DCC: variants seen among roughly 807,000 people sequenced by gnomAD.
DCC encodes DCC netrin 1 receptor.
DCC carries 58 observed loss-of-function variants against 172.5 expected under a neutral mutation model. That is an observed-to-expected ratio of 0.34 (90% CI 0.27 to 0.42). DCC has a LOEUF of 0.42. Among genes scored for constraint, DCC ranks in the 10% least tolerant of loss-of-function variants. DCC has a pLI of 1.00. For synonymous variants in DCC, 709 were observed against 644.5 expected, an observed-to-expected ratio of 1.10 and a Z score of -1.52; for missense variants, 1,740 against 1,791.0, an observed-to-expected ratio of 0.97 and a Z score of 0.51.
At chr18:52,576,823 C>T (rs2033423746) in intron 1 of DCC, among the ~76,000 whole-genome samples, 3 of 119,790 alleles carry the variant, frequency 2.5e-5, no homozygotes, top group African/African-American at 9.9e-5. Context: ...GAGCAAGCCT[C>T]CATCTCAAAA....
At chr18:52,848,082 ATTT>A (rs11291428) in intron 2 of DCC, among the ~76,000 whole-genome samples, 131 of 127,330 alleles carry the variant, frequency 1.0e-3, no homozygotes, top group African/African-American at 2.4e-3. Flanking sequence ...GACTTTTCTA[ATTT>A]TTTTTTTTTT....
chr18:52,413,231 A>G (rs545364217), intron 1 of DCC, among the ~76,000 whole-genome samples: 78 of 151,594 alleles, frequency 5.1e-4, no homozygotes, highest in African/African-American at 1.7e-3. Flanking sequence ...TAAATAGCTT[A>G]CTCTAAAAAT....
intron 2 of DCC, among the ~76,000 whole-genome samples, chr18:52,775,335 A>G (rs190891148): frequency 2.2e-3 from 342 of 152,250 alleles, no homozygotes; most frequent in Non-Finnish European, 3.8e-3. Flanking sequence ...CGTGTGTGAT[A>G]CAGGGTGCTC....
intron 7 of DCC, among the ~76,000 whole-genome samples, chr18:53,129,125 G>T (rs1174600395): frequency 6.6e-6 from 1 of 151,736 alleles, no homozygotes; most frequent in Non-Finnish European, 1.5e-5. Flanking sequence ...GACCTCAAGT[G>T]ATCTTCACAC....
At chr18:53,351,336 T>TGTATATATATACA (rs2057796955) in intron 15 of DCC, among the ~76,000 whole-genome samples, 1 of 9,200 alleles carries the variant, frequency 1.1e-4, no homozygotes, top group South Asian at 6.6e-3. Context: ...ATATATACAG[T>TGTATATATATACA]GTATATATAT....
chr18:53,322,165 T>G lies in DCC; in HGVS notation c.2164+8T>G. ...CAGAGAATGATCTAGATGGTAAGAC[T>G]TTTTCCCAGTTACTATCACTCTGAT... On this transcript the variant is annotated splice_region_variant and intron_variant, in intron 14 of 28. Transcript: ENST00000442544. 7.6e-7 allele frequency: 1 copy of G among 1,323,166 alleles called. No individual in the cohort carries two copies. Among genetic ancestry groups the G allele is most frequent in the South Asian group, 1.2e-5 (1 of 85,424 alleles). The allele number at this position is 1,323,166 out of a possible 1,614,324, so 82.0% of individuals were successfully genotyped here. A position where few individuals can be genotyped will look rare whatever the true frequency, so the allele number is the denominator to read the frequency against.
At chr18:52,864,747 T>C (rs2145368084) in intron 2 of DCC, among the ~76,000 whole-genome samples, 1 of 152,140 alleles carries the variant, frequency 6.6e-6, no homozygotes, top group East Asian at 1.9e-4. Context: ...TGTGTTTTCA[T>C]TGTTCAACTT....
chr18:53,267,145 TATATAG>T lies in DCC; in HGVS notation c.1912-38431_1912-38426del, dbSNP rs2056686987. On this transcript the variant is annotated intron_variant, in intron 12 of 28. Coordinates refer to ENST00000442544, the MANE Select transcript of DCC (RefSeq NM_005215.4). ...ACACACACACACACATATATATATATATATAGAGAGAGAGAGAGAGACAGAGACAGA... is the reference window on the plus strand; with the variant it reads ...ACACACACACACACATATATATATATAGAGAGAGAGAGAGACAGAGACAGA... Among the ~76,000 whole-genome samples, 7 of 150,222 alleles carry T rather than the reference TATATAG, an allele frequency of 4.7e-5. 1 individual carries two copies. Among genetic ancestry groups the T allele is most frequent in the African/African-American group, 1.2e-4 (5 of 40,270 alleles).
intron 2 of DCC, among the ~76,000 whole-genome samples, chr18:52,844,527 C>T (rs924506820): frequency 1.3e-5 from 2 of 152,146 alleles, no homozygotes; most frequent in African/African-American, 4.8e-5. Flanking sequence ...GAGTTTGCAA[C>T]CATTTCCTCA....
intron 9 of DCC, among the ~76,000 whole-genome samples, chr18:53,201,745 G>A (rs1210360941): frequency 6.6e-6 from 1 of 151,984 alleles, no homozygotes; most frequent in Admixed American, 6.6e-5. Flanking sequence ...AAGACTCCTC[G>A]TTGTTCAACT....
chr18:53,207,598 A>T (rs983186282), intron 10 of DCC, 81 bp from the exon 11 acceptor site: 64 of 1,317,702 alleles, frequency 4.9e-5, no homozygotes, highest in Non-Finnish European at 6.1e-5. Flanking sequence ...CTAATGTCCA[A>T]TTCACTGATT....
chr18:53,305,279 T>C (rs937978874), intron 12 of DCC, among the ~76,000 whole-genome samples: 8 of 152,242 alleles, frequency 5.3e-5, no homozygotes, highest in African/African-American at 1.9e-4. Flanking sequence ...TATAACCTTA[T>C]TCTCTATTGT....
intron 1 of DCC, among the ~76,000 whole-genome samples, chr18:52,572,084 TA>T (rs1156578918): frequency 6.6e-6 from 1 of 152,064 alleles, no homozygotes; most frequent in African/African-American, 2.4e-5. Flanking sequence ...TTTAGCAGCA[TA>T]AAAAAATAAA....
At chr18:53,201,739 C>T (rs1054882539) in intron 9 of DCC, among the ~76,000 whole-genome samples, 5 of 152,146 alleles carry the variant, frequency 3.3e-5, no homozygotes, top group African/African-American at 1.2e-4. Context: ...CACTTTAAGA[C>T]TCCTCGTTGT....
chr18:53,119,551 C>A (rs2043454057), intron 7 of DCC, among the ~76,000 whole-genome samples: 1 of 151,808 alleles, frequency 6.6e-6, no homozygotes, highest in East Asian at 1.9e-4. Flanking sequence ...TTTTAACTGG[C>A]AGATTATTTC....
intron 1 of DCC, among the ~76,000 whole-genome samples, chr18:52,689,779 T>C (rs1172382844): frequency 7.9e-5 from 12 of 152,116 alleles, no homozygotes; most frequent in Admixed American, 7.9e-4. Context: ...TGGGGTAAAA[T>C]TTCCTTCAAT....
At chr18:52,890,963 A>C (rs1188569976) in intron 2 of DCC, among the ~76,000 whole-genome samples, 2 of 152,124 alleles carry the variant, frequency 1.3e-5, no homozygotes, top group Non-Finnish European at 2.9e-5. Flanking sequence ...AATGACTTTA[A>C]AATAGCAATA....
At chr18:52,392,171 T>C (rs961560473) in intron 1 of DCC, among the ~76,000 whole-genome samples, 1 of 152,278 alleles carries the variant, frequency 6.6e-6, no homozygotes, top group African/African-American at 2.4e-5. Context: ...GGTAAGTGGC[T>C]GGTAGCAGAT....
chr18:52,633,480 A>C (rs1219801806), intron 1 of DCC, among the ~76,000 whole-genome samples: 2 of 152,182 alleles, frequency 1.3e-5, no homozygotes, highest in Non-Finnish European at 2.9e-5. Flanking sequence ...AGCCTCAGTC[A>C]AATCAATTCC....
Sources: gnomAD v4.1 joint callset for allele counts (sites outside exome capture counted in the v4.1 genomes callset) on GRCh38, gnomAD v4.1.1 for gene constraint, MANE v1.5 for transcripts, NCBI Gene and HGNC (gene_info 2026-07-23, HGNC 2026-07-21) for gene names.